The following DCC variants were observed in gnomAD, a reference collection of about 807,000 sequenced individuals.
The protein encoded by DCC is DCC netrin 1 receptor, also known as netrin receptor DCC.
Under a neutral mutation model 172.5 loss-of-function variants are expected in DCC, and 58 were observed. That is an observed-to-expected ratio of 0.34 (90% CI 0.27 to 0.42). The LOEUF (loss-of-function observed/expected upper bound fraction) is 0.42, where lower values mean the gene tolerates loss of function less well. Among genes scored for constraint, DCC ranks in the 10% least tolerant of loss-of-function variants. The pLI is 1.00. For missense variants in DCC, 1,740 were observed against 1,791.0 expected (o/e 0.97, Z 0.51); for synonymous variants, 709 against 644.5 (o/e 1.10, Z -1.52).
At chr18:52,359,843 C>G (rs1469912414) in intron 1 of DCC, among the ~76,000 whole-genome samples, 2 of 152,098 alleles carry the variant, frequency 1.3e-5, no homozygotes, top group Non-Finnish European at 2.9e-5. Context: ...CACAGTTAAA[C>G]AGTGAGAGAG....
intron 1 of DCC, among the ~76,000 whole-genome samples, chr18:52,464,756 GT>G (rs1180926333): frequency 1.8e-4 from 27 of 148,072 alleles, no homozygotes; most frequent in Admixed American, 7.4e-4. Context: ...TGTTTTGTTG[GT>G]TTTTTTTTTC....
intron 7 of DCC, among the ~76,000 whole-genome samples, chr18:53,077,194 C>A (rs1175021203): frequency 6.6e-6 from 1 of 151,824 alleles, no homozygotes; most frequent in Non-Finnish European, 1.5e-5. Context: ...GCTATTTGAC[C>A]TTGTTCACAT....
intron 5 of DCC, among the ~76,000 whole-genome samples, chr18:52,947,223 A>G (rs540481208): frequency 6.6e-6 from 1 of 152,364 alleles, no homozygotes; most frequent in East Asian, 1.9e-4. Flanking sequence ...AGTAGTTTTT[A>G]ACACAAAACA....
rs189199740 is a variant in DCC at position 53,436,164 on chromosome 18, G to A, written c.3229+955G>A. 9.9e-5 allele frequency among the ~76,000 whole-genome samples: 15 copies of A among 152,186 alleles called. No individual in the cohort carries two copies. In the East Asian group the frequency reaches 2.1e-3, roughly 22 times the overall value. On this transcript the variant is annotated intron_variant, in intron 22 of 28. Transcript: ENST00000442544. ...TTTGATGTTTACTACGTATGTATAC[G>A]TATCCCTAAACATTATATTGTTTTA...
At chr18:53,008,825 A>G (rs2041685036) in intron 5 of DCC, among the ~76,000 whole-genome samples, 1 of 152,046 alleles carries the variant, frequency 6.6e-6, no homozygotes. Flanking sequence ...CAAAAGCAAT[A>G]GTAGCACTGG....
intron 1 of DCC, among the ~76,000 whole-genome samples, chr18:52,479,886 A>T (rs1354231706): frequency 6.6e-6 from 1 of 152,036 alleles, no homozygotes; most frequent in African/African-American, 2.4e-5. Flanking sequence ...TTCACGGACG[A>T]CTTCTGCTCT....
intron 13 of DCC, among the ~76,000 whole-genome samples, chr18:53,313,418 G>C (rs1365630564): frequency 3.3e-5 from 5 of 152,066 alleles, no homozygotes; most frequent in South Asian, 2.1e-4. Flanking sequence ...GCTAATTTTT[G>C]TATTTTTAGT....
At chr18:52,955,226 A>T (rs1297856732) in intron 5 of DCC, among the ~76,000 whole-genome samples, 1 of 152,120 alleles carries the variant, frequency 6.6e-6, no homozygotes, top group Non-Finnish European at 1.5e-5. Flanking sequence ...CCCTTCCTGC[A>T]TGCTGTGCCC....
intron 22 of DCC, among the ~76,000 whole-genome samples, chr18:53,444,162 A>G (rs1194794000): frequency 1.3e-5 from 2 of 152,272 alleles, no homozygotes; most frequent in African/African-American, 2.4e-5. Flanking sequence ...GTAAAATGCT[A>G]TCAAATACAT....
Position 52,831,900 on chromosome 18 carries a change from A to G in DCC, c.413-74144A>G, listed in dbSNP as rs1027160370. ...GGCAGCATGAGGTCTATAAAGGAGT[A>G]TCTGAAGATAGAACAAAGGAGGCCA... On this transcript the variant is annotated intron_variant, in intron 2 of 28. Coordinates refer to ENST00000442544, the MANE Select transcript of DCC (RefSeq NM_005215.4). Among the ~76,000 whole-genome samples, 3 of 152,126 alleles carry G rather than the reference A, an allele frequency of 2.0e-5. No homozygotes were observed. The East Asian group carries it at 5.8e-4, about 29-fold the overall frequency.
At chr18:52,448,495 AT>A (rs1988197830) in intron 1 of DCC, among the ~76,000 whole-genome samples, 1 of 152,084 alleles carries the variant, frequency 6.6e-6, no homozygotes, top group Non-Finnish European at 1.5e-5. Flanking sequence ...AGCATTTTGA[AT>A]TTTTTCAAGG....
chr18:52,381,820 A>G (rs1025996845), intron 1 of DCC, among the ~76,000 whole-genome samples: 5 of 152,122 alleles, frequency 3.3e-5, no homozygotes, highest in African/African-American at 9.7e-5. Context: ...TCCTACTCTC[A>G]TGGTATAAGA....
At chr18:53,228,589 C>A (rs575622178) in intron 12 of DCC, among the ~76,000 whole-genome samples, 1 of 152,204 alleles carries the variant, frequency 6.6e-6, no homozygotes, top group African/African-American at 2.4e-5. Context: ...GAATTAACTT[C>A]TCTACCTATG....
At chr18:53,151,749 C>T (rs2054644788) in intron 7 of DCC, among the ~76,000 whole-genome samples, 1 of 152,078 alleles carries the variant, frequency 6.6e-6, no homozygotes, top group Non-Finnish European at 1.5e-5. Flanking sequence ...ATCTACATTT[C>T]TTACTTTTTC....
At chr18:52,827,558 C>T (rs1212943738) in intron 2 of DCC, among the ~76,000 whole-genome samples, 1 of 152,194 alleles carries the variant, frequency 6.6e-6, no homozygotes, top group East Asian at 1.9e-4. Flanking sequence ...GTAGACTTGA[C>T]TGCATCAAAG....
rs562440107 is a variant in DCC, at chr18:52,757,467, A to G, written c.412+5093A>G. 2.0e-5 allele frequency among the ~76,000 whole-genome samples: 3 copies of G among 152,224 alleles called. No homozygotes were observed. In the East Asian group the frequency reaches 5.8e-4, roughly 29 times the overall value. ...TTTTATTTTGCTTTTTTATACAACC[A>G]TGACCCCCTGTCCACCCTTCCCCAC... On this transcript the variant is annotated intron_variant, in intron 2 of 28. Transcript: ENST00000442544.
intron 1 of DCC, among the ~76,000 whole-genome samples, chr18:52,402,175 T>A (rs1986465373): frequency 6.6e-6 from 1 of 151,972 alleles, no homozygotes; most frequent in Non-Finnish European, 1.5e-5. Context: ...TAAGTGAAAG[T>A]AACTACCCGA....
At chr18:52,366,029 A>T (rs912263053) in intron 1 of DCC, among the ~76,000 whole-genome samples, 1 of 152,198 alleles carries the variant, frequency 6.6e-6, no homozygotes, top group Admixed American at 6.5e-5. Context: ...AGCTTCTTAC[A>T]ACTCTATATA....
At chr18:52,658,189 G>T (rs1048594115) in intron 1 of DCC, among the ~76,000 whole-genome samples, 1 of 152,184 alleles carries the variant, frequency 6.6e-6, no homozygotes, top group Non-Finnish European at 1.5e-5. Flanking sequence ...ATATTTATGG[G>T]TGAGGTGGGG....
Sources: allele counts gnomAD v4.1 joint callset (sites outside exome capture counted in the v4.1 genomes callset), GRCh38; gene constraint gnomAD v4.1.1; transcripts MANE v1.5; gene names NCBI Gene and HGNC (gene_info 2026-07-23, HGNC 2026-07-21).